Variants in PLXDC2 observed in about 807,000 individuals in gnomAD.
PLXDC2 encodes the protein plexin domain-containing protein 2.
A neutral mutation model predicts 68.9 loss-of-function variants in PLXDC2; 40 were observed. The ratio of observed to expected loss-of-function variants is 0.58; its 90% confidence interval spans 0.45 to 0.76. PLXDC2 has a LOEUF of 0.76. Ranked by LOEUF, PLXDC2 falls within the 30% of genes least tolerant of loss-of-function variation. The pLI is 0.00. For missense variants in PLXDC2, 644 were observed against 661.9 expected (o/e 0.97, Z 0.30); for synonymous variants, 243 against 234.2 (o/e 1.04, Z -0.34).
intron 4 of PLXDC2, among the ~76,000 whole-genome samples, chr10:20,129,524 C>T: frequency 1.6e-5 from 1 of 64,370 alleles, no homozygotes; most frequent in Admixed American, 1.3e-4. Context: ...TATATACATA[C>T]ACATATATAT....
intron 1 of PLXDC2, among the ~76,000 whole-genome samples, chr10:19,907,824 T>C (rs930832364): frequency 2.0e-5 from 3 of 152,180 alleles, no homozygotes; most frequent in African/African-American, 4.8e-5. Flanking sequence ...GACTGTTCCC[T>C]CCTTGGCTCT....
intron 2 of PLXDC2, among the ~76,000 whole-genome samples, chr10:20,027,995 TG>T (rs1835431915): frequency 6.6e-6 from 1 of 152,242 alleles, no homozygotes; most frequent in Non-Finnish European, 1.5e-5. Context: ...ATGTGCAAAG[TG>T]GTAAGCTCTA....
At chr10:20,276,123 C>T (rs1836004007) in intron 13 of PLXDC2, among the ~76,000 whole-genome samples, 1 of 152,112 alleles carries the variant, frequency 6.6e-6, no homozygotes, top group Admixed American at 6.5e-5. Flanking sequence ...TTCTAATCGA[C>T]TGCTTGACAA....
intron 9 of PLXDC2, among the ~76,000 whole-genome samples, chr10:20,179,531 C>A (rs990261869): frequency 2.0e-5 from 3 of 151,946 alleles, no homozygotes; most frequent in African/African-American, 7.2e-5. Flanking sequence ...GACCATTTGA[C>A]CCCCCTAACC....
chr10:20,179,254 T>C lies in PLXDC2; in HGVS notation c.1061+1845T>C, dbSNP rs79320974. Reference sequence around the variant, plus strand: ...CCTGGGCAAGCCGCCATCATTAGCATTTTGTGTAGGGCTTGCTGACGCTTG... The same window carrying C: ...CCTGGGCAAGCCGCCATCATTAGCACTTTGTGTAGGGCTTGCTGACGCTTG... On this transcript the variant is annotated intron_variant, in intron 9 of 13. Coordinates refer to ENST00000377252, the MANE Select transcript of PLXDC2 (RefSeq NM_032812.9). Among the ~76,000 whole-genome samples the C allele has an allele frequency of 9.1e-3, 1,380 of 152,230 alleles. 22 individuals carry two copies. Among genetic ancestry groups the C allele is most frequent in the African/African-American group, 0.032 (1,315 of 41,552 alleles).
At chr10:19,886,534 T>A (rs749465434) in intron 1 of PLXDC2, among the ~76,000 whole-genome samples, 17 of 152,156 alleles carry the variant, frequency 1.1e-4, no homozygotes, top group Non-Finnish European at 2.4e-4. Context: ...CCACATGATT[T>A]TTTCAATAGA....
chr10:19,817,512 C>T (rs1589481317), intron 1 of PLXDC2, among the ~76,000 whole-genome samples: 1 of 152,158 alleles, frequency 6.6e-6, no homozygotes, highest in Admixed American at 6.5e-5. Flanking sequence ...CTCCTAGGAC[C>T]TGGCATCTCC....
At chr10:20,129,053 C>G (rs184376414) in intron 4 of PLXDC2, among the ~76,000 whole-genome samples, 1 of 152,212 alleles carries the variant, frequency 6.6e-6, no homozygotes, top group Admixed American at 6.5e-5. Context: ...TTGTGGAAAT[C>G]CTCTGCGTTA....
At chr10:19,928,749 C>CTTTTT (rs796581734) in intron 1 of PLXDC2, among the ~76,000 whole-genome samples, 3 of 105,184 alleles carry the variant, frequency 2.9e-5, no homozygotes, top group Non-Finnish European at 3.9e-5. Context: ...GAAGATAGGA[C>CTTTTT]TTTTTTTTTT....
rs1192170561 is a variant in PLXDC2 at position 20,042,119 on chromosome 10, G to C, written c.325-4750G>C. 2.0e-5 allele frequency among the ~76,000 whole-genome samples: 3 copies of C among 152,128 alleles called. 1 individual carries two copies. ...TGTGTGTACCTCGGGGCTATTTCCT[G>C]TGTCCTGACTGGTAATTTAGTCATG... is the stretch of plus-strand genomic sequence containing the variant. On this transcript the variant is annotated intron_variant, in intron 2 of 13. Transcript: ENST00000377252.
chr10:20,168,484 A>G (rs769900345), intron 7 of PLXDC2, among the ~76,000 whole-genome samples: 15 of 152,182 alleles, frequency 9.9e-5, no homozygotes, highest in Non-Finnish European at 1.6e-4. Flanking sequence ...TAAGAAACAC[A>G]GTGACAGTGT....
chr10:20,061,257 T>G (rs879450372), intron 3 of PLXDC2, among the ~76,000 whole-genome samples: 5 of 152,210 alleles, frequency 3.3e-5, no homozygotes, highest in Admixed American at 3.3e-4. Flanking sequence ...GTGTCAAATA[T>G]TCTAGCCTCC....
At chr10:20,196,281 T>G (rs2131843685) in intron 9 of PLXDC2, among the ~76,000 whole-genome samples, 2 of 152,304 alleles carry the variant, frequency 1.3e-5, no homozygotes, top group African/African-American at 4.8e-5. Context: ...GTTTTATAAC[T>G]GATTTCTGTG....
intron 1 of PLXDC2, among the ~76,000 whole-genome samples, chr10:19,963,859 CT>C (rs1163233280): frequency 2.0e-5 from 3 of 151,912 alleles, no homozygotes; most frequent in Non-Finnish European, 4.4e-5. Context: ...AAAAAACAAG[CT>C]TTTGTTTCTT....
intron 6 of PLXDC2, among the ~76,000 whole-genome samples, chr10:20,154,706 A>C (rs1245573338): frequency 6.6e-6 from 1 of 152,054 alleles, no homozygotes; most frequent in East Asian, 1.9e-4. Context: ...TTCTCTTGAT[A>C]TACTTGGCAT....
At chr10:20,220,313 C>A (rs1835192467) in intron 12 of PLXDC2, among the ~76,000 whole-genome samples, 1 of 152,074 alleles carries the variant, frequency 6.6e-6, no homozygotes, top group Admixed American at 6.5e-5. Context: ...AGCATATGGA[C>A]ATAAGCCCTA....
At chr10:20,043,561 G>T (rs1234859041) in intron 2 of PLXDC2, 1 of 151,992 alleles carries the variant, frequency 6.6e-6, no homozygotes, top group African/African-American at 2.4e-5. Flanking sequence ...GAACTCAATT[G>T]TGAAATTTTG....
In PLXDC2 at chr10:20,216,406, G is replaced by A. The variant is rs534650836; in HGVS notation, c.1123-1020G>A. On this transcript the variant is annotated intron_variant, in intron 10 of 13. Transcript: ENST00000377252. ...AGATTAATGGGGCTCAGAGGTGCAG[G>A]AACTGGAATTTGGGGAATTAAATGA... Among the ~76,000 whole-genome samples, 17 of 152,228 alleles carry A rather than the reference G, an allele frequency of 1.1e-4. No homozygotes were observed. The South Asian group carries it at 3.5e-3, about 32-fold the overall frequency.
At chr10:20,008,197 T>C (rs543906787) in intron 2 of PLXDC2, among the ~76,000 whole-genome samples, 1 of 152,302 alleles carries the variant, frequency 6.6e-6, no homozygotes, top group Non-Finnish European at 1.5e-5. Flanking sequence ...TAATAGCTGA[T>C]TGCAGCCTTT....
Sources: gnomAD v4.1 joint callset for allele counts (sites outside exome capture counted in the v4.1 genomes callset) on GRCh38, gnomAD v4.1.1 for gene constraint, MANE v1.5 for transcripts, NCBI Gene and HGNC (gene_info 2026-07-23, HGNC 2026-07-21) for gene names.